The following NOL9 variants were observed in gnomAD, a reference collection of about 807,000 sequenced individuals.
The protein encoded by NOL9 is polynucleotide 5'-hydroxyl-kinase NOL9.
A neutral mutation model predicts 67.9 loss-of-function variants in NOL9; 28 were observed. That is an observed-to-expected ratio of 0.41 (90% confidence interval 0.31 to 0.57). NOL9 has a LOEUF of 0.57. Ranked by LOEUF, NOL9 falls within the 20% of genes least tolerant of loss-of-function variation. The pLI, the probability that NOL9 is intolerant of heterozygous loss-of-function variation, is 0.25. For synonymous variants in NOL9, 356 were observed against 352.2 expected (o/e 1.01, Z -0.12); for missense variants, 777 against 897.0 (o/e 0.87, Z 1.71).
At position 6,526,637 on chromosome 1, in the gene NOL9, C is replaced by A. The variant is rs1489500429; in HGVS notation, c.1959+59G>T. 3.9e-6 allele frequency: 6 copies of A among 1,526,066 alleles called. No homozygotes were observed. The Admixed American group carries it at 1.2e-4, about 31-fold the overall frequency. 94.5% of individuals were successfully genotyped at this position (1,526,066 alleles called of 1,614,324 possible). A position where few individuals can be genotyped will look rare whatever the true frequency, so the allele number is the denominator to read the frequency against. On this transcript the variant is annotated intron_variant, in intron 11 of 11. Transcript: ENST00000377705. ...CATGACCCCTGACCCTACTTCAGCT[C>A]CTCACTTCTGTGGACCTGAGTAGGC...
At chr1:6,547,652 C>T (rs184015257) in intron 3 of NOL9, among the ~76,000 whole-genome samples, 3 of 152,040 alleles carry the variant, frequency 2.0e-5, no homozygotes, top group African/African-American at 4.8e-5. Context: ...TCCAAGAGTT[C>T]GTGACCAGCC....
At chr1:6,546,215 A>G (rs1039762737) in intron 3 of NOL9, among the ~76,000 whole-genome samples, 1 of 152,202 alleles carries the variant, frequency 6.6e-6, no homozygotes, top group Non-Finnish European at 1.5e-5. Context: ...AGCATAAGAA[A>G]TATGAACAGT....
chr1:6,550,926 A>T (rs913421680), intron 1 of NOL9, among the ~76,000 whole-genome samples: 1 of 151,924 alleles, frequency 6.6e-6, no homozygotes, highest in Non-Finnish European at 1.5e-5. Flanking sequence ...CAGGTGATCC[A>T]TCCACCTCGG....
chr1:6,548,567 G>T, intron 3 of NOL9: 1 of 369,368 alleles, frequency 2.7e-6, no homozygotes, highest in South Asian at 2.4e-5. Flanking sequence ...TCTCGAGGAG[G>T]AGAACATCAT....
At position 6,524,666 on chromosome 1, in the gene NOL9, T is replaced by A. The variant is rs1185827767; in HGVS notation, c.*1188A>T. 1 of 152,164 alleles carries A rather than the reference T, an allele frequency of 6.6e-6. No individual in the cohort carries two copies. Among genetic ancestry groups the A allele is most frequent in the Non-Finnish European group, 1.5e-5 (1 of 68,028 alleles). The allele number at this position is 152,164 out of a possible 1,614,324, so 9.4% of individuals were successfully genotyped here. On this transcript the variant is annotated 3_prime_UTR_variant, in exon 12 of 12. Coordinates refer to ENST00000377705, the MANE Select transcript of NOL9 (RefSeq NM_024654.5). ...AGTCTCCAGCTCTGCCCTGTGGTTG[T>A]CTCTGGCCTCAGATCAGAAGTCAAT...
At chr1:6,540,561 T>A (rs1639262118) in intron 6 of NOL9, among the ~76,000 whole-genome samples, 1 of 152,146 alleles carries the variant, frequency 6.6e-6, no homozygotes, top group African/African-American at 2.4e-5. Flanking sequence ...GCACAGTGGC[T>A]CATGCCTACA....
chr1:6,532,149 A>T (rs746280896), intron 8 of NOL9, 70 bp from the exon 9 acceptor site: 9 of 1,164,032 alleles, frequency 7.7e-6, no homozygotes, highest in Non-Finnish European at 1.2e-5. Flanking sequence ...ACCTGTCATC[A>T]CAGAGGTCAC....
In NOL9 at chr1:6,525,744, C is replaced by T. The variant is rs13513; in HGVS notation, c.*110G>A. 0.85 allele frequency: 941,501 copies of T among 1,108,954 alleles called. 403,157 individuals carry two copies. Among genetic ancestry groups the T allele is most frequent in the Admixed American group, 0.89 (43,127 of 48,400 alleles). The allele number at this position is 1,108,954 out of a possible 1,614,324, so 68.7% of individuals were successfully genotyped here. ...ACGAATTACACAAAAAACACTGTTG[C>T]TAATAAGGGCACCATTCATGGCCAT... On this transcript the variant is annotated 3_prime_UTR_variant, in exon 12 of 12. Transcript: ENST00000377705.
chr1:6,545,215 A>T, intron 3 of NOL9, 35 bp from the exon 4 acceptor site: 1 of 1,592,902 alleles, frequency 6.3e-7, no homozygotes, highest in Non-Finnish European at 8.5e-7. Flanking sequence ...AGGTGAAAAA[A>T]TGCATATTTT....
Position 6,550,311 on chromosome 1 carries a change from G to A in NOL9, c.616+85C>T, listed in dbSNP as rs576470504. 43 of 1,200,006 alleles carry A rather than the reference G, an allele frequency of 3.6e-5. No individual in the cohort carries two copies. In the South Asian group the frequency reaches 3.6e-4, roughly 10 times the overall value. 74.3% of individuals were successfully genotyped at this position (1,200,006 alleles called of 1,614,324 possible). On this transcript the variant is annotated intron_variant, in intron 2 of 11. Coordinates refer to ENST00000377705, the MANE Select transcript of NOL9 (RefSeq NM_024654.5). ...CTCCCAAAGTGCTGGGATTATAGGC[G>A]TGAGCCACCGCGCCTGGCCCTAAAA...
intron 1 of NOL9, among the ~76,000 whole-genome samples, chr1:6,553,618 G>C (rs969514125): frequency 6.6e-6 from 1 of 151,884 alleles, no homozygotes; most frequent in South Asian, 2.1e-4. Flanking sequence ...GAGGCGGGTG[G>C]ATCACAAGGT....
Position 6,526,677 on chromosome 1 carries a change from T to C in NOL9, c.1959+19A>G, listed in dbSNP as rs768999729. On this transcript the variant is annotated intron_variant, in intron 11 of 11. Coordinates refer to ENST00000377705, the MANE Select transcript of NOL9 (RefSeq NM_024654.5). ...CCTGAGTAGGCTCCTTCCAGGGCTG[T>C]GCCCGGGGGAAGGCTCACCTGGCAC... 1.2e-6 allele frequency: 2 copies of C among 1,601,614 alleles called. No homozygotes were observed. Among genetic ancestry groups the C allele is most frequent in the East Asian group, 4.5e-5 (2 of 44,828 alleles).
At chr1:6,529,953 A>G (rs1638983984) in intron 9 of NOL9, among the ~76,000 whole-genome samples, 1 of 152,032 alleles carries the variant, frequency 6.6e-6, no homozygotes, top group Non-Finnish European at 1.5e-5. Flanking sequence ...ATAAATAAAT[A>G]AATAAAATAC....
chr1:6,548,491 C>G (rs1215824757), intron 3 of NOL9: 4 of 240,276 alleles, frequency 1.7e-5, no homozygotes, highest in Admixed American at 1.6e-4. Flanking sequence ...AAAACCATGT[C>G]AGCAGAGCCT....
intron 6 of NOL9, among the ~76,000 whole-genome samples, chr1:6,536,865 G>A (rs1485247128): frequency 7.2e-5 from 11 of 151,968 alleles, no homozygotes; most frequent in African/African-American, 4.8e-5. Context: ...AAACAGCATG[G>A]CAGGATCAGG....
At chr1:6,528,611 C>T (rs1217618350) in intron 10 of NOL9, among the ~76,000 whole-genome samples, 1 of 152,188 alleles carries the variant, frequency 6.6e-6, no homozygotes, top group Non-Finnish European at 1.5e-5. Flanking sequence ...CAGTCAGGCA[C>T]TCAAGTGAAG....
intron 3 of NOL9, among the ~76,000 whole-genome samples, chr1:6,547,298 AG>A (rs1639439887): frequency 2.6e-5 from 4 of 152,108 alleles, no homozygotes; most frequent in Non-Finnish European, 5.9e-5. Context: ...GATGTCTACC[AG>A]GCATCTCAAG....
At chr1:6,534,340 C>T (rs1263273992) in intron 6 of NOL9, among the ~76,000 whole-genome samples, 1 of 152,236 alleles carries the variant, frequency 6.6e-6, no homozygotes, top group Non-Finnish European at 1.5e-5. Context: ...TGCGTTCACA[C>T]TCCTAATCAT....
chr1:6,531,121 C>G (rs566510090), intron 9 of NOL9, among the ~76,000 whole-genome samples: 3 of 152,360 alleles, frequency 2.0e-5, no homozygotes, highest in South Asian at 2.1e-4. Flanking sequence ...CACTATCATG[C>G]TTTCCTCCCA....
Sources: gnomAD v4.1 joint callset for allele counts (sites outside exome capture counted in the v4.1 genomes callset) on GRCh38, gnomAD v4.1.1 for gene constraint, MANE v1.5 for transcripts, NCBI Gene and HGNC (gene_info 2026-07-23, HGNC 2026-07-21) for gene names.